DNER: variants seen among roughly 807,000 people sequenced by gnomAD.
DNER encodes the protein delta and Notch-like epidermal growth factor-related receptor.
In DNER, 33 loss-of-function variants were observed where a neutral mutation model predicts 78.2. The observed-to-expected ratio is 0.42, with a 90% CI of 0.32 to 0.56. The LOEUF is 0.56. DNER is among the 20% of genes least tolerant of loss of function. The pLI is 0.11. For missense variants in DNER, 918 were observed against 975.3 expected (o/e 0.94, Z 0.78); for synonymous variants, 417 against 384.8 (o/e 1.08, Z -0.98).
intron 1 of DNER, among the ~76,000 whole-genome samples, chr2:229,689,233 C>G (rs1219254343): frequency 2.0e-5 from 3 of 152,150 alleles, no homozygotes; most frequent in Non-Finnish European, 4.4e-5. Flanking sequence ...ACCCTGATGG[C>G]CACTCCCCTC....
At chr2:229,589,161 G>A (rs1697555489) in intron 2 of DNER, among the ~76,000 whole-genome samples, 1 of 152,162 alleles carries the variant, frequency 6.6e-6, no homozygotes, top group African/African-American at 2.4e-5. Context: ...TGTCCAGTGA[G>A]CATAAACCTG....
intron 1 of DNER, among the ~76,000 whole-genome samples, chr2:229,654,437 G>A (rs1470253912): frequency 6.6e-6 from 1 of 152,144 alleles, no homozygotes; most frequent in Middle Eastern, 3.2e-3. Context: ...CATATTTTAG[G>A]GAGAGATTCA....
intron 6 of DNER, among the ~76,000 whole-genome samples, chr2:229,492,059 T>A (rs1695412719): frequency 6.6e-6 from 1 of 152,176 alleles, no homozygotes; most frequent in African/African-American, 2.4e-5. Flanking sequence ...ATGCATATTG[T>A]CTAGTCATCT....
At chr2:229,493,579 G>A (rs924723379) in intron 6 of DNER, among the ~76,000 whole-genome samples, 2 of 152,142 alleles carry the variant, frequency 1.3e-5, no homozygotes, top group African/African-American at 4.8e-5. Flanking sequence ...GAGGGACAGA[G>A]GGAAGAGGAA....
chr2:229,631,349 C>T (rs1698430384), intron 1 of DNER, among the ~76,000 whole-genome samples: 1 of 152,188 alleles, frequency 6.6e-6, no homozygotes, highest in African/African-American at 2.4e-5. Flanking sequence ...TCCTGTACCC[C>T]AGTGATTTCT....
intron 7 of DNER, among the ~76,000 whole-genome samples, chr2:229,474,430 G>T (rs1410266045): frequency 6.6e-6 from 1 of 152,106 alleles, no homozygotes; most frequent in African/African-American, 2.4e-5. Context: ...ATAAACCTTC[G>T]AATAAAAGTC....
intron 5 of DNER, among the ~76,000 whole-genome samples, chr2:229,530,472 C>T (rs1417867853): frequency 2.0e-5 from 3 of 152,234 alleles, no homozygotes; most frequent in Admixed American, 6.5e-5. Flanking sequence ...CACATAACCA[C>T]TTCTGTCTGA....
intron 11 of DNER, among the ~76,000 whole-genome samples, chr2:229,375,530 A>G (rs1273351285): frequency 6.6e-6 from 1 of 152,212 alleles, no homozygotes; most frequent in Non-Finnish European, 1.5e-5. Context: ...AGTATGTACT[A>G]AAGGTAATTA....
chr2:229,535,132 G>C (rs188191274), intron 5 of DNER, among the ~76,000 whole-genome samples: 97 of 152,274 alleles, frequency 6.4e-4, no homozygotes, highest in African/African-American at 2.3e-3. Flanking sequence ...CACCACGCCT[G>C]GCTGTATTTT....
At chr2:229,446,794 T>C (rs1455498553) in intron 8 of DNER, among the ~76,000 whole-genome samples, 1 of 152,202 alleles carries the variant, frequency 6.6e-6, no homozygotes, top group Non-Finnish European at 1.5e-5. Flanking sequence ...AATTCTTACA[T>C]AGGGAGCCAG....
chr2:229,586,115 G>T (rs1697490782), intron 3 of DNER, 91 bp from the exon 4 acceptor site: 6 of 1,420,918 alleles, frequency 4.2e-6, no homozygotes, highest in South Asian at 1.4e-5. Flanking sequence ...TACAAAGATG[G>T]TATGTGCATC....
chr2:229,596,642 C>T lies in DNER; in HGVS notation c.277-4754G>A, dbSNP rs748075859. On this transcript the variant is annotated intron_variant, in intron 1 of 12. Transcript: ENST00000341772. ...GGTCCCATGGCAATGTTCAATTTGC[C>T]ACATCCAGGAGTCAGTCCCACCAGG... is the stretch of plus-strand genomic sequence containing the variant. Among the ~76,000 whole-genome samples, 16 of 152,152 alleles carry T rather than the reference C, an allele frequency of 1.1e-4. 1 individual carries two copies. Among genetic ancestry groups the T allele is most frequent in the Non-Finnish European group, 2.1e-4 (14 of 68,036 alleles).
chr2:229,454,019 T>A (rs1161398893), intron 7 of DNER, among the ~76,000 whole-genome samples: 1 of 151,422 alleles, frequency 6.6e-6, no homozygotes, highest in Non-Finnish European at 1.5e-5. Context: ...GCACTGAACC[T>A]TGCTTGTAAA....
At chr2:229,422,212 A>G (rs1693782744) in intron 8 of DNER, among the ~76,000 whole-genome samples, 1 of 152,204 alleles carries the variant, frequency 6.6e-6, no homozygotes, top group African/African-American at 2.4e-5. Flanking sequence ...TCCTTCCAAA[A>G]GAGAGGGCTT....
At chr2:229,519,304 T>A (rs1341672892) in intron 5 of DNER, among the ~76,000 whole-genome samples, 1 of 152,176 alleles carries the variant, frequency 6.6e-6, no homozygotes, top group Non-Finnish European at 1.5e-5. Flanking sequence ...GTGAGACAAG[T>A]CTTCTCAGCA....
chr2:229,469,957 T>C (rs1694889501), intron 7 of DNER, among the ~76,000 whole-genome samples: 1 of 151,936 alleles, frequency 6.6e-6, no homozygotes, highest in African/African-American at 2.4e-5. Context: ...GTAATAATAA[T>C]AATAATGTCA....
intron 1 of DNER, among the ~76,000 whole-genome samples, chr2:229,616,544 T>C (rs1033343567): frequency 6.6e-6 from 1 of 152,148 alleles, no homozygotes; most frequent in Admixed American, 6.5e-5. Context: ...ACAGACAGTG[T>C]GTATGTCCCT....
At chr2:229,670,627 T>C (rs1452042625) in intron 1 of DNER, among the ~76,000 whole-genome samples, 1 of 152,162 alleles carries the variant, frequency 6.6e-6, no homozygotes, top group African/African-American at 2.4e-5. Flanking sequence ...AGTCAAAACT[T>C]TGTCTATAAA....
At chr2:229,597,278 T>C (rs965550859) in intron 1 of DNER, among the ~76,000 whole-genome samples, 2 of 152,270 alleles carry the variant, frequency 1.3e-5, no homozygotes, top group Non-Finnish European at 2.9e-5. Context: ...CTCTTCAGAC[T>C]AGTTTTATTT....
Sources: gnomAD v4.1 joint callset for allele counts (sites outside exome capture counted in the v4.1 genomes callset) on GRCh38, gnomAD v4.1.1 for gene constraint, MANE v1.5 for transcripts, NCBI Gene and HGNC (gene_info 2026-07-23, HGNC 2026-07-21) for gene names.